The following TMEM161B variants were observed in gnomAD, a reference collection of about 807,000 sequenced individuals.
TMEM161B encodes transmembrane protein 161B.
Under a neutral mutation model 61.8 loss-of-function variants are expected in TMEM161B, and 34 were observed. The observed-to-expected ratio is 0.55, with a 90% confidence interval of 0.42 to 0.73. The LOEUF (loss-of-function observed/expected upper bound fraction) is 0.73. Among genes scored for constraint, TMEM161B ranks in the 30% least tolerant of loss-of-function variants. TMEM161B has a pLI of 0.00. For missense variants in TMEM161B, 456 were observed against 558.5 expected (o/e 0.82, Z 1.85); for synonymous variants, 167 against 192.8 (o/e 0.87, Z 1.11).
At chr5:88,252,222 T>C (rs1235681849) in intron 1 of TMEM161B, among the ~76,000 whole-genome samples, 1 of 152,060 alleles carries the variant, frequency 6.6e-6, no homozygotes, top group African/African-American at 2.4e-5. Flanking sequence ...CAGAAGGTAT[T>C]TGCAACAGCA....
chr5:88,208,066 T>G lies in TMEM161B; in HGVS notation c.447-886A>C, dbSNP rs552132824. On this transcript the variant is annotated intron_variant, in intron 5 of 11. Coordinates refer to ENST00000296595, the MANE Select transcript of TMEM161B (RefSeq NM_153354.5). ...CAAACAAACAAACAAAAAACAACTG[T>G]GGGCCGGGCGCAGTGGCTCACGTCT... Among the ~76,000 whole-genome samples, 241 of 152,242 alleles carry G rather than the reference T, an allele frequency of 1.6e-3. 1 individual carries two copies. Among genetic ancestry groups the G allele is most frequent in the African/African-American group, 5.4e-3 (224 of 41,550 alleles).
chr5:88,198,750 C>T, intron 10 of TMEM161B: 1 of 447,442 alleles, frequency 2.2e-6, no homozygotes, highest in Admixed American at 4.0e-5. Context: ...TTGTACCACC[C>T]ACTGTATGAC....
At chr5:88,186,129 A>C (rs570259997), downstream of TMEM161B, among the ~76,000 whole-genome samples, 2 of 152,378 alleles carry the variant, frequency 1.3e-5, no homozygotes, top group Admixed American at 1.3e-4. Context: ...GAAAGGTCTT[A>C]CATGTATTTA....
chr5:88,213,366 T>C (rs1056438473), intron 5 of TMEM161B, among the ~76,000 whole-genome samples: 2 of 152,104 alleles, frequency 1.3e-5, no homozygotes, highest in Non-Finnish European at 2.9e-5. Flanking sequence ...CTTTCTTAGA[T>C]ATGCAGTTTC....
At chr5:88,210,586 T>C (rs1746513360) in intron 5 of TMEM161B, among the ~76,000 whole-genome samples, 1 of 152,122 alleles carries the variant, frequency 6.6e-6, no homozygotes, top group Non-Finnish European at 1.5e-5. Context: ...TTAGATTTAG[T>C]CAACTGCATC....
intron 5 of TMEM161B, among the ~76,000 whole-genome samples, chr5:88,215,137 C>A (rs1161310522): frequency 1.3e-5 from 2 of 152,074 alleles, no homozygotes; most frequent in Admixed American, 1.3e-4. Context: ...AATTTGGGGA[C>A]CATTTTAACA....
intron 5 of TMEM161B, among the ~76,000 whole-genome samples, chr5:88,215,599 A>C (rs2112487016): frequency 6.6e-6 from 1 of 152,280 alleles, no homozygotes; most frequent in South Asian, 2.1e-4. Flanking sequence ...TTGGCCTGTA[A>C]GCTCTTCAGA....
intron 2 of TMEM161B, among the ~76,000 whole-genome samples, chr5:88,231,779 C>T (rs1158201810): frequency 6.6e-6 from 1 of 152,104 alleles, no homozygotes; most frequent in Non-Finnish European, 1.5e-5. Context: ...AACACTGAAC[C>T]ATTGCTCCTA....
chr5:88,185,891 A>C (rs1296313785), downstream of TMEM161B, among the ~76,000 whole-genome samples: 1 of 152,260 alleles, frequency 6.6e-6, no homozygotes, highest in Non-Finnish European at 1.5e-5. Context: ...TTGCTTTACA[A>C]GTTAGCAACA....
chr5:88,253,871 T>C (rs916588282), intron 1 of TMEM161B, among the ~76,000 whole-genome samples: 6 of 152,070 alleles, frequency 3.9e-5, no homozygotes, highest in Non-Finnish European at 5.9e-5. Context: ...AGATTAGTAA[T>C]TATCTCTGTA....
At chr5:88,257,076 C>A (rs1008671743) in intron 1 of TMEM161B, among the ~76,000 whole-genome samples, 2 of 152,136 alleles carry the variant, frequency 1.3e-5, no homozygotes, top group Admixed American at 1.3e-4. Flanking sequence ...CCAGACCAGA[C>A]TGGCCAACGT....
chr5:88,187,039 A>AC (rs1475558565), downstream of TMEM161B, among the ~76,000 whole-genome samples: 4 of 152,242 alleles, frequency 2.6e-5, no homozygotes, highest in Admixed American at 2.6e-4. Flanking sequence ...ATTCTTGTGT[A>AC]AAGTATGAGG....
chr5:88,216,086 C>T (rs1039496355), intron 5 of TMEM161B, among the ~76,000 whole-genome samples: 1 of 151,954 alleles, frequency 6.6e-6, no homozygotes, highest in African/African-American at 2.4e-5. Flanking sequence ...AGTGAGACCC[C>T]ATCTCTATAA....
chr5:88,196,906 C>A (rs1749749794), intron 11 of TMEM161B, among the ~76,000 whole-genome samples: 2 of 152,040 alleles, frequency 1.3e-5, no homozygotes, highest in Admixed American at 1.3e-4. Flanking sequence ...AATGTGAAAA[C>A]CTATTAATAG....
chr5:88,253,410 T>A (rs1754592772), intron 1 of TMEM161B, among the ~76,000 whole-genome samples: 1 of 152,182 alleles, frequency 6.6e-6, no homozygotes, highest in African/African-American at 2.4e-5. Flanking sequence ...TATGAAATAC[T>A]GGTTCACAGA....
intron 5 of TMEM161B, among the ~76,000 whole-genome samples, chr5:88,212,327 CAAGA>C (rs1238996808): frequency 6.6e-6 from 1 of 152,072 alleles, no homozygotes; most frequent in African/African-American, 2.4e-5. Flanking sequence ...TTTGACAAAT[CAAGA>C]AAGAAAGACA....
intron 5 of TMEM161B, among the ~76,000 whole-genome samples, chr5:88,217,353 G>A (rs1748053588): frequency 6.6e-6 from 1 of 152,126 alleles, no homozygotes. Flanking sequence ...CTGGCTTTAA[G>A]GAACATAAAT....
chr5:88,232,248 C>CA (rs1751116586), intron 2 of TMEM161B, among the ~76,000 whole-genome samples: 1 of 152,124 alleles, frequency 6.6e-6, no homozygotes, highest in Admixed American at 6.5e-5. Flanking sequence ...CAGGAACATG[C>CA]ATGTATGGAC....
chr5:88,258,779 C>T (rs1471618734), intron 1 of TMEM161B, among the ~76,000 whole-genome samples: 1 of 152,080 alleles, frequency 6.6e-6, no homozygotes, highest in African/African-American at 2.4e-5. Context: ...TGGTTCAGCA[C>T]ATTGGGGCAA....
Sources: allele counts gnomAD v4.1 joint callset (sites outside exome capture counted in the v4.1 genomes callset), GRCh38; gene constraint gnomAD v4.1.1; transcripts MANE v1.5; gene names NCBI Gene and HGNC (gene_info 2026-07-23, HGNC 2026-07-21).